The following TMEM114 variants were observed in gnomAD, a reference collection of about 807,000 sequenced individuals.
TMEM114 encodes the protein transmembrane protein 114, also known as claudin-26.
In TMEM114, 6 loss-of-function variants were observed where a neutral mutation model predicts 6.2. That is an observed-to-expected ratio of 0.97 (90% CI 0.53 to 1.91). The LOEUF (loss-of-function observed/expected upper bound fraction) is 1.91, where lower values mean the gene tolerates loss of function less well. TMEM114 is among the 40% of genes most tolerant of loss of function. TMEM114 has a pLI of 0.01. For synonymous variants in TMEM114, 104 were observed against 73.0 expected (o/e 1.42, Z -2.16); for missense variants, 218 against 158.3 (o/e 1.38, Z -2.02).
intron 2 of TMEM114, among the ~76,000 whole-genome samples, chr16:8,561,615 A>T (rs1901202371): frequency 1.3e-5 from 2 of 152,256 alleles, no homozygotes; most frequent in Admixed American, 1.3e-4. Flanking sequence ...ATGAATGAGT[A>T]AGTGAATGAA....
At chr16:8,586,700 G>C (rs1344996042) in intron 2 of TMEM114, among the ~76,000 whole-genome samples, 1 of 152,030 alleles carries the variant, frequency 6.6e-6, no homozygotes, top group African/African-American at 2.4e-5. Flanking sequence ...AGTAGAGATG[G>C]GGTTTCACCA....
intron 2 of TMEM114, among the ~76,000 whole-genome samples, chr16:8,579,629 C>G (rs1198911721): frequency 1.3e-5 from 2 of 152,128 alleles, no homozygotes; most frequent in African/African-American, 4.8e-5. Flanking sequence ...CGCTCAAAAG[C>G]CTCGTTTTCG....
intron 2 of TMEM114, among the ~76,000 whole-genome samples, chr16:8,553,806 C>T (rs1456041360): frequency 6.6e-6 from 1 of 151,886 alleles, no homozygotes; most frequent in Non-Finnish European, 1.5e-5. Context: ...AGTTCATTAT[C>T]TTCCCACCTC....
intron 2 of TMEM114, among the ~76,000 whole-genome samples, chr16:8,553,301 C>T (rs1249237329): frequency 6.6e-6 from 1 of 152,162 alleles, no homozygotes; most frequent in Non-Finnish European, 1.5e-5. Context: ...AATCTGGCCA[C>T]GGGTGGTCCC....
chr16:8,550,362 G>C (rs534470612), intron 2 of TMEM114, among the ~76,000 whole-genome samples: 5 of 152,168 alleles, frequency 3.3e-5, no homozygotes, highest in Non-Finnish European at 7.3e-5. Context: ...CTAGAATTTT[G>C]TTCGTGTTCT....
At chr16:8,544,607 G>A (rs913543050) in intron 2 of TMEM114, among the ~76,000 whole-genome samples, 6 of 152,292 alleles carry the variant, frequency 3.9e-5, no homozygotes, top group South Asian at 2.1e-4. Context: ...AGGAACAGAC[G>A]TTGCTGATAA....
chr16:8,533,040 T>C (rs929653689), downstream of TMEM114, among the ~76,000 whole-genome samples: 1 of 152,200 alleles, frequency 6.6e-6, no homozygotes, highest in East Asian at 1.9e-4. Flanking sequence ...ATGAACAACA[T>C]AAATAAAGTC....
At chr16:8,539,647 G>A (rs1329402093) in intron 2 of TMEM114, among the ~76,000 whole-genome samples, 2 of 152,036 alleles carry the variant, frequency 1.3e-5, no homozygotes, top group Non-Finnish European at 2.9e-5. Context: ...GCGTGCAACT[G>A]GCCCAGGGAT....
chr16:8,530,903 T>C, the TMEM114 span, among the ~76,000 whole-genome samples: 1 of 152,046 alleles, frequency 6.6e-6, no homozygotes, highest in Non-Finnish European at 1.5e-5. Flanking sequence ...CATACGCATA[T>C]AATCCCAGCT....
rs536448858 is a variant in TMEM114, at chr16:8,569,775, A to T, written c.670T>A (p.Ter224ArgextTer58). Residue 224 changes from the stop codon to arginine (R), a stop_lost, in exon 4 of 4, where the codon TGA becomes AGA. Transcript: ENST00000620492. Reference sequence around the variant, plus strand: ...CCTCCACGACCCAGCGCCCAGGCTCATATGGCCTGGTCCTGCCTCCGTCTC... The same window carrying T: ...CCTCCACGACCCAGCGCCCAGGCTCTTATGGCCTGGTCCTGCCTCCGTCTC... ...SLRRRQDQAI* is the reference protein window; with the variant it reads ...SLRRRQDQAIR The T allele has an allele frequency of 6.5e-7, 1 of 1,549,532 alleles. No individual in the cohort carries two copies. Among genetic ancestry groups the T allele is most frequent in the Non-Finnish European group, 8.7e-7 (1 of 1,146,358 alleles).
chr16:8,550,670 C>G (rs1316855157), intron 2 of TMEM114, among the ~76,000 whole-genome samples: 2 of 146,384 alleles, frequency 1.4e-5, no homozygotes, highest in Admixed American at 1.4e-4. Flanking sequence ...AAGAGCAAAA[C>G]TTCGTCAAAA....
chr16:8,544,677 T>C (rs1485912725), intron 2 of TMEM114, among the ~76,000 whole-genome samples: 6 of 152,198 alleles, frequency 3.9e-5, no homozygotes, highest in Non-Finnish European at 8.8e-5. Context: ...GGTACCCCTT[T>C]TCAGTGTTCA....
chr16:8,557,147 C>A (rs550737029), intron 2 of TMEM114, among the ~76,000 whole-genome samples: 32 of 152,288 alleles, frequency 2.1e-4, no homozygotes, highest in African/African-American at 7.7e-4. Flanking sequence ...GACCTTGATA[C>A]TTCTCCCAGG....
At chr16:8,552,500 A>T (rs1043773760) in intron 2 of TMEM114, among the ~76,000 whole-genome samples, 4 of 140,744 alleles carry the variant, frequency 2.8e-5, no homozygotes, top group Non-Finnish European at 4.6e-5. Flanking sequence ...AGAAATTTGC[A>T]CAAAACTGCA....
At chr16:8,545,666 C>G (rs1457627139) in intron 2 of TMEM114, among the ~76,000 whole-genome samples, 1 of 152,250 alleles carries the variant, frequency 6.6e-6, no homozygotes, top group Admixed American at 6.5e-5. Flanking sequence ...AACAAATTCC[C>G]AAATGAGGCT....
At chr16:8,576,054 A>T (rs965906131) in intron 2 of TMEM114, among the ~76,000 whole-genome samples, 1 of 152,176 alleles carries the variant, frequency 6.6e-6, no homozygotes, top group African/African-American at 2.4e-5. Context: ...GAACTCCGAC[A>T]TCAGACGAGG....
chr16:8,555,546 T>C (rs1900983372), intron 2 of TMEM114, among the ~76,000 whole-genome samples: 1 of 152,156 alleles, frequency 6.6e-6, no homozygotes, highest in Non-Finnish European at 1.5e-5. Flanking sequence ...TGGTAAACTG[T>C]CATGGCGCTG....
chr16:8,558,850 C>G (rs1038282878), intron 2 of TMEM114, among the ~76,000 whole-genome samples: 3 of 151,234 alleles, frequency 2.0e-5, no homozygotes, highest in Admixed American at 2.0e-4. Context: ...AAGCAATTCT[C>G]CTGCCTCAGC....
At chr16:8,546,548 C>G (rs577019075) in intron 2 of TMEM114, among the ~76,000 whole-genome samples, 59 of 152,346 alleles carry the variant, frequency 3.9e-4, no homozygotes, top group African/African-American at 1.1e-3. Flanking sequence ...CGGCCACTAT[C>G]TCTAGCAATT....
Sources: allele counts gnomAD v4.1 joint callset (sites outside exome capture counted in the v4.1 genomes callset), GRCh38; gene constraint gnomAD v4.1.1; transcripts MANE v1.5; gene names NCBI Gene and HGNC (gene_info 2026-07-23, HGNC 2026-07-21).